The following GALNT13 variants were observed in gnomAD, a reference collection of about 807,000 sequenced individuals.
GALNT13 encodes polypeptide N-acetylgalactosaminyltransferase 13.
GALNT13 carries 28 observed loss-of-function variants against 64.2 expected under a neutral mutation model. The ratio of observed to expected loss-of-function variants is 0.44; its 90% CI spans 0.32 to 0.60. GALNT13 has a LOEUF of 0.60. GALNT13 is among the 20% of genes least tolerant of loss of function. The pLI, the probability that GALNT13 is intolerant of heterozygous loss-of-function variation, is 0.05. For missense variants in GALNT13, 577 were observed against 669.8 expected, an observed-to-expected ratio of 0.86 and a Z score of 1.53; for synonymous variants, 214 against 224.6, an observed-to-expected ratio of 0.95 and a Z score of 0.42.
At chr2:154,368,862 T>G (rs758902673) in intron 9 of GALNT13, among the ~76,000 whole-genome samples, 13 of 152,100 alleles carry the variant, frequency 8.5e-5, no homozygotes, top group Non-Finnish European at 1.3e-4. Context: ...GGTAACAAGA[T>G]CCTGCTGGGG....
At chr2:154,449,502 G>T (rs999563527) in intron 12 of GALNT13, among the ~76,000 whole-genome samples, 2 of 148,982 alleles carry the variant, frequency 1.3e-5, no homozygotes, top group Non-Finnish European at 3.0e-5. Flanking sequence ...TATCTAGAGT[G>T]CTATTTTCAA....
chr2:153,640,422 A>T, the GALNT13 span, among the ~76,000 whole-genome samples: 1 of 151,976 alleles, frequency 6.6e-6, no homozygotes. Context: ...CTACATTTGG[A>T]TCATAAAAAC....
intron 2 of GALNT13, among the ~76,000 whole-genome samples, chr2:153,932,176 C>T (rs941522752): frequency 6.6e-6 from 1 of 151,920 alleles, no homozygotes. Flanking sequence ...TTAATTTTCT[C>T]CCCCTTTTTA....
chr2:153,576,571 C>T, the GALNT13 span, among the ~76,000 whole-genome samples: 4 of 152,204 alleles, frequency 2.6e-5, no homozygotes, highest in African/African-American at 9.6e-5. Flanking sequence ...TTGCTGTGCT[C>T]TCCTTCCCCC....
At chr2:154,136,173 A>G (rs1682938701) in intron 3 of GALNT13, among the ~76,000 whole-genome samples, 1 of 152,232 alleles carries the variant, frequency 6.6e-6, no homozygotes, top group African/African-American at 2.4e-5. Flanking sequence ...CAATGAAAAG[A>G]AAGATTTTAA....
chr2:154,140,906 A>C (rs1306550810), intron 4 of GALNT13, among the ~76,000 whole-genome samples: 1 of 152,176 alleles, frequency 6.6e-6, no homozygotes, highest in Non-Finnish European at 1.5e-5. Context: ...TTGTGTAAGC[A>C]TCATAGGTGT....
At chr2:154,438,816 T>TA (rs1701130052) in intron 12 of GALNT13, 90 bp downstream of exon 12, 11 of 1,046,432 alleles carry the variant, frequency 1.1e-5, no homozygotes, top group Admixed American at 2.3e-5. Flanking sequence ...AGCTGGTTTT[T>TA]ATCTACATTG....
chr2:153,907,946 A>C (rs550690074), intron 2 of GALNT13, among the ~76,000 whole-genome samples: 41 of 152,224 alleles, frequency 2.7e-4, no homozygotes, highest in Non-Finnish European at 4.7e-4. Context: ...GCTGGGTTGA[A>C]TGGTAATTTT....
chr2:153,693,019 T>G, the GALNT13 span, among the ~76,000 whole-genome samples: 1 of 152,336 alleles, frequency 6.6e-6, no homozygotes, highest in South Asian at 2.1e-4. Flanking sequence ...TTTGTGGGAC[T>G]TTTTAATACT....
the GALNT13 span, among the ~76,000 whole-genome samples, chr2:153,753,596 G>A: frequency 6.6e-6 from 1 of 152,134 alleles, no homozygotes; most frequent in Non-Finnish European, 1.5e-5. Context: ...CAAACAAATG[G>A]AGTCTCTCCC....
At chr2:153,620,625 C>T in the GALNT13 span, among the ~76,000 whole-genome samples, 1 of 151,832 alleles carries the variant, frequency 6.6e-6, no homozygotes, top group East Asian at 1.9e-4. Flanking sequence ...TGAATTATTT[C>T]AATCTCTGTT....
At chr2:153,909,216 T>C (rs1688783136) in intron 2 of GALNT13, among the ~76,000 whole-genome samples, 1 of 152,034 alleles carries the variant, frequency 6.6e-6, no homozygotes, top group Non-Finnish European at 1.5e-5. Context: ...CCATATAGGA[T>C]TTTTAATGTG....
the GALNT13 span, among the ~76,000 whole-genome samples, chr2:153,090,112 C>A: frequency 2.0e-5 from 3 of 152,104 alleles, no homozygotes; most frequent in Non-Finnish European, 4.4e-5. Context: ...GAACTCAAGG[C>A]CTGCTGTTGA....
chr2:154,123,905 G>A (rs1366077749), intron 3 of GALNT13, among the ~76,000 whole-genome samples: 1 of 152,016 alleles, frequency 6.6e-6, no homozygotes, highest in African/African-American at 2.4e-5. Context: ...TTCCTTTAGA[G>A]TACAATGCAT....
At chr2:153,577,742 C>A in the GALNT13 span, among the ~76,000 whole-genome samples, 1 of 151,590 alleles carries the variant, frequency 6.6e-6, no homozygotes. Context: ...TCACAAAACA[C>A]CGTGTTCCTG....
At chr2:153,547,932 T>G in the GALNT13 span, among the ~76,000 whole-genome samples, 7 of 152,182 alleles carry the variant, frequency 4.6e-5, no homozygotes, top group African/African-American at 1.7e-4. Context: ...TTGATTGCTG[T>G]AAAAATGGAA....
chr2:153,641,261 C>T, the GALNT13 span, among the ~76,000 whole-genome samples: 2 of 152,124 alleles, frequency 1.3e-5, no homozygotes, highest in Non-Finnish European at 1.5e-5. Flanking sequence ...CATGATACCA[C>T]ATCCTGTATG....
chr2:153,567,118 G>A, the GALNT13 span, among the ~76,000 whole-genome samples: 1 of 152,196 alleles, frequency 6.6e-6, no homozygotes, highest in Non-Finnish European at 1.5e-5. Context: ...AAGAAGGGCA[G>A]GATATGGTAA....
the GALNT13 span, among the ~76,000 whole-genome samples, chr2:153,135,426 G>A: frequency 6.6e-6 from 1 of 152,094 alleles, no homozygotes; most frequent in African/African-American, 2.4e-5. Context: ...GTCTGTCTTA[G>A]TTTCTGCTTT....
Sources: allele counts gnomAD v4.1 joint callset (sites outside exome capture counted in the v4.1 genomes callset), GRCh38; gene constraint gnomAD v4.1.1; transcripts MANE v1.5; gene names NCBI Gene and HGNC (gene_info 2026-07-23, HGNC 2026-07-21).